The following ETV6 variants were observed in gnomAD, a reference collection of about 807,000 sequenced individuals.
ETV6 encodes the protein ETS variant transcription factor 6.
Under a neutral mutation model 51.1 loss-of-function variants are expected in ETV6, and 16 were observed. The observed-to-expected ratio is 0.31, with a 90% CI of 0.21 to 0.48. The LOEUF is 0.48. Among genes scored for constraint, ETV6 ranks in the 20% least tolerant of loss-of-function variants. ETV6 has a pLI of 0.99. For missense variants in ETV6, 458 were observed against 594.8 expected, an observed-to-expected ratio of 0.77 and a Z score of 2.39; for synonymous variants, 240 against 224.1, an observed-to-expected ratio of 1.07 and a Z score of -0.64.
chr12:11,674,353 C>G (rs1864374693), intron 1 of ETV6, among the ~76,000 whole-genome samples: 1 of 152,030 alleles, frequency 6.6e-6, no homozygotes, highest in Non-Finnish European at 1.5e-5. Flanking sequence ...GGAAGGGAAG[C>G]TCAGGCTTTT....
At chr12:11,711,573 T>C (rs1296546608) in intron 1 of ETV6, among the ~76,000 whole-genome samples, 1 of 152,230 alleles carries the variant, frequency 6.6e-6, no homozygotes, top group Non-Finnish European at 1.5e-5. Flanking sequence ...AAATTCCTTT[T>C]TTGAAGAAAA....
At chr12:11,836,285 AGCTCGGT>A (rs1946314028) in intron 2 of ETV6, among the ~76,000 whole-genome samples, 1 of 152,222 alleles carries the variant, frequency 6.6e-6, no homozygotes, top group Non-Finnish European at 1.5e-5. Flanking sequence ...GCCTCTTTCC[AGCTCGGT>A]GAACGTGTCC....
At chr12:11,743,549 G>T (rs1208310298) in intron 1 of ETV6, among the ~76,000 whole-genome samples, 2 of 152,032 alleles carry the variant, frequency 1.3e-5, no homozygotes, top group Admixed American at 1.3e-4. Flanking sequence ...GGCCAGCAGT[G>T]GGGTAGTATC....
intron 1 of ETV6, among the ~76,000 whole-genome samples, chr12:11,720,186 C>A (rs183441977): frequency 5.1e-4 from 77 of 152,322 alleles, no homozygotes; most frequent in African/African-American, 1.3e-3. Flanking sequence ...TTAGCATGTT[C>A]AGGCACAGCA....
At chr12:11,718,413 AG>A (rs1229340780) in intron 1 of ETV6, among the ~76,000 whole-genome samples, 1 of 152,110 alleles carries the variant, frequency 6.6e-6, no homozygotes, top group Non-Finnish European at 1.5e-5. Context: ...ATGTAGATGT[AG>A]GGCTCCTTGT....
intron 7 of ETV6, among the ~76,000 whole-genome samples, chr12:11,887,204 A>G (rs951180419): frequency 3.3e-5 from 5 of 152,194 alleles, no homozygotes; most frequent in African/African-American, 1.2e-4. Context: ...TTCATCCTTC[A>G]ACCTAAACGC....
intron 2 of ETV6, among the ~76,000 whole-genome samples, chr12:11,800,842 G>A (rs1329969052): frequency 6.6e-6 from 1 of 152,260 alleles, no homozygotes; most frequent in East Asian, 1.9e-4. Context: ...GCTTAGTTGG[G>A]GGGATCACTT....
chr12:11,778,279 C>T (rs764609107), intron 2 of ETV6, among the ~76,000 whole-genome samples: 9 of 152,226 alleles, frequency 5.9e-5, no homozygotes, highest in Admixed American at 2.0e-4. Flanking sequence ...AATGACAGCG[C>T]CTTCCTGGGC....
rs1311220665 is a variant in ETV6 at position 11,878,452 on chromosome 12, C to T, written c.1010-5993C>T. Among the ~76,000 whole-genome samples, 6 of 152,214 alleles carry T rather than the reference C, an allele frequency of 3.9e-5. No homozygotes were observed. In the East Asian group the frequency reaches 9.7e-4, roughly 25 times the overall value. On this transcript the variant is annotated intron_variant, in intron 5 of 7. Transcript: ENST00000396373. ...AGGCTGCACCCACACCTGAGCAAAG[C>T]GGAGGCTGGGCCTTATTAGGTTCTG...
intron 3 of ETV6, among the ~76,000 whole-genome samples, chr12:11,847,999 C>T (rs1312362000): frequency 2.6e-5 from 4 of 152,158 alleles, no homozygotes. Context: ...AAAAAAATTC[C>T]ATCCATATGA....
chr12:11,838,571 G>A (rs1048330212), intron 2 of ETV6, among the ~76,000 whole-genome samples: 3 of 152,224 alleles, frequency 2.0e-5, no homozygotes, highest in Non-Finnish European at 4.4e-5. Flanking sequence ...GTTTCCCAGA[G>A]GCTGAGTGAA....
intron 1 of ETV6, among the ~76,000 whole-genome samples, chr12:11,682,550 C>T (rs1312902409): frequency 6.6e-6 from 1 of 152,150 alleles, no homozygotes; most frequent in Admixed American, 6.5e-5. Flanking sequence ...TTTTGCTGAG[C>T]AGAAGCTCTT....
At chr12:11,865,918 G>T (rs1436403943) in intron 4 of ETV6, among the ~76,000 whole-genome samples, 3 of 151,694 alleles carry the variant, frequency 2.0e-5, no homozygotes, top group African/African-American at 7.3e-5. Flanking sequence ...TGATAATGTT[G>T]TTACCAAATT....
intron 1 of ETV6, among the ~76,000 whole-genome samples, chr12:11,699,684 G>A (rs1385944092): frequency 6.6e-6 from 1 of 152,114 alleles, no homozygotes; most frequent in Non-Finnish European, 1.5e-5. Context: ...GTAGGATGGA[G>A]GTAAAGAGGA....
intron 1 of ETV6, among the ~76,000 whole-genome samples, chr12:11,674,986 T>C (rs372919508): frequency 3.9e-5 from 6 of 152,200 alleles, no homozygotes; most frequent in African/African-American, 1.4e-4. Context: ...ATTTAATGCA[T>C]CATGGGCTGT....
At chr12:11,796,049 T>C (rs963348405) in intron 2 of ETV6, among the ~76,000 whole-genome samples, 1 of 152,156 alleles carries the variant, frequency 6.6e-6, no homozygotes, top group African/African-American at 2.4e-5. Flanking sequence ...CCCTCACTGA[T>C]GAAGCTCAAA....
At chr12:11,753,866 T>A (rs770221348) in intron 2 of ETV6, among the ~76,000 whole-genome samples, 8 of 152,224 alleles carry the variant, frequency 5.3e-5, no homozygotes, top group Non-Finnish European at 1.2e-4. Flanking sequence ...CCTACTATGG[T>A]CAAGACATTT....
chr12:11,730,700 CTTCTGAGCTGGGTTTGA>C (rs1865577531), intron 1 of ETV6, among the ~76,000 whole-genome samples: 2 of 152,220 alleles, frequency 1.3e-5, no homozygotes, highest in African/African-American at 4.8e-5. Context: ...TGTGGGCGGA[CTTCTGAGCTGGGTTTGA>C]TTTTCCTCTT....
In ETV6 at chr12:11,729,554, A is replaced by G. The variant is rs144153476; in HGVS notation, c.34-22896A>G. Among the ~76,000 whole-genome samples the G allele has an allele frequency of 3.1e-4, 47 of 152,242 alleles. No homozygotes were observed. In the South Asian group the frequency reaches 8.7e-3, roughly 28 times the overall value. On this transcript the variant is annotated intron_variant, in intron 1 of 7. Coordinates refer to ENST00000396373, the MANE Select transcript of ETV6 (RefSeq NM_001987.5). ...AAAGGAGATGTGACAGGAATAGCCA[A>G]TTTCCCTGTCCTGTTTGGTATGACT...
Sources: allele counts gnomAD v4.1 joint callset (sites outside exome capture counted in the v4.1 genomes callset), GRCh38; gene constraint gnomAD v4.1.1; transcripts MANE v1.5; gene names NCBI Gene and HGNC (gene_info 2026-07-23, HGNC 2026-07-21).